Variants in GDPD4 observed in about 807,000 individuals in gnomAD.
GDPD4 encodes glycerophosphodiester phosphodiesterase 6.
A neutral mutation model predicts 67.8 loss-of-function variants in GDPD4; 60 were observed. That is an observed-to-expected ratio of 0.88 (90% CI 0.72 to 1.10). The LOEUF (loss-of-function observed/expected upper bound fraction) is 1.10. Among genes scored for constraint, GDPD4 ranks in the 50% least tolerant of loss-of-function variants. The pLI is 0.00. For missense variants in GDPD4, 623 were observed against 613.9 expected (o/e 1.01, Z -0.16); for synonymous variants, 212 against 210.9 (o/e 1.00, Z -0.04).
chr11:77,223,992 T>C (rs891085253), intron 16 of GDPD4, among the ~76,000 whole-genome samples: 3 of 152,202 alleles, frequency 2.0e-5, no homozygotes, highest in Non-Finnish European at 2.9e-5. Context: ...GCGTGGGACC[T>C]GCTGAACCAG....
chr11:77,294,907 G>A (rs1937898133), intron 1 of GDPD4, among the ~76,000 whole-genome samples: 1 of 150,292 alleles, frequency 6.7e-6, no homozygotes, highest in African/African-American at 2.5e-5. Context: ...TTTGACAAAT[G>A]GTTCTGGAAC....
intron 16 of GDPD4, 132 bp from the exon 17 acceptor site, chr11:77,217,446 C>A: frequency 3.8e-6 from 3 of 780,554 alleles, no homozygotes; most frequent in Non-Finnish European, 6.8e-6. Flanking sequence ...TCCAAGCTCT[C>A]CCCTCTACCT....
chr11:77,235,009 G>GTTTGTTTTTTTTTTTTT (rs1958524811), intron 13 of GDPD4, among the ~76,000 whole-genome samples: 1 of 52,254 alleles, frequency 1.9e-5, no homozygotes, highest in Non-Finnish European at 3.7e-5. Flanking sequence ...GTCAATATCT[G>GTTTGTTTTTTTTTTTTT]TTTTTTTTTT....
chr11:77,297,129 T>C (rs1197353902), intron 1 of GDPD4, among the ~76,000 whole-genome samples: 1 of 151,902 alleles, frequency 6.6e-6, no homozygotes, highest in Non-Finnish European at 1.5e-5. Context: ...ATGTATGGTG[T>C]CTGCAATTCA....
chr11:77,283,477 A>G (rs1959849701), intron 3 of GDPD4, among the ~76,000 whole-genome samples: 1 of 152,180 alleles, frequency 6.6e-6, no homozygotes, highest in Non-Finnish European at 1.5e-5. Flanking sequence ...AAACCTTATC[A>G]ACTATGGATC....
intron 11 of GDPD4, among the ~76,000 whole-genome samples, chr11:77,248,221 G>C (rs894183823): frequency 4.8e-4 from 44 of 92,494 alleles, no homozygotes; most frequent in Non-Finnish European, 7.9e-4. Context: ...TTTTTTTTTT[G>C]AGACGGAGTC....
intron 11 of GDPD4, among the ~76,000 whole-genome samples, chr11:77,250,293 T>C (rs1275703654): frequency 1.3e-5 from 2 of 152,206 alleles, no homozygotes; most frequent in African/African-American, 4.8e-5. Flanking sequence ...TTTATGTTCA[T>C]GTATATCTAA....
At chr11:77,279,006 T>C (rs1387271727) in intron 4 of GDPD4, among the ~76,000 whole-genome samples, 1 of 152,156 alleles carries the variant, frequency 6.6e-6, no homozygotes, top group African/African-American at 2.4e-5. Context: ...ATGACAATAT[T>C]GAGGGAACCA....
At chr11:77,291,140 T>C (rs1670457) in intron 1 of GDPD4, among the ~76,000 whole-genome samples, 113,517 of 152,140 alleles carry the variant, frequency 0.75, 43,457 homozygotes, top group African/African-American at 0.93. Context: ...AATGGACAAA[T>C]GGATAAAGAA....
At chr11:77,257,271 C>A (rs1479775395) in intron 11 of GDPD4, among the ~76,000 whole-genome samples, 1 of 152,120 alleles carries the variant, frequency 6.6e-6, no homozygotes, top group African/African-American at 2.4e-5. Flanking sequence ...GAACCTAGGT[C>A]ACATGAATTC....
At chr11:77,217,765 T>C (rs1038192929) in intron 16 of GDPD4, among the ~76,000 whole-genome samples, 2 of 151,964 alleles carry the variant, frequency 1.3e-5, no homozygotes, top group African/African-American at 4.8e-5. Flanking sequence ...GAAAAAAAAA[T>C]TAGATGGTAG....
chr11:77,226,444 G>GCA (rs1958340050), intron 16 of GDPD4, among the ~76,000 whole-genome samples: 1 of 152,090 alleles, frequency 6.6e-6, no homozygotes, highest in Admixed American at 6.6e-5. Context: ...ACTCTCCCAA[G>GCA]CACACACACA....
chr11:77,225,245 G>A (rs1241601661), intron 16 of GDPD4, among the ~76,000 whole-genome samples: 1 of 151,116 alleles, frequency 6.6e-6, no homozygotes, highest in Non-Finnish European at 1.5e-5. Context: ...AGGCTGCAGT[G>A]AGCTGAGATC....
intron 11 of GDPD4, among the ~76,000 whole-genome samples, chr11:77,247,880 T>C (rs112386023): frequency 0.016 from 2,458 of 151,868 alleles, 22 homozygotes; most frequent in African/African-American, 0.026. Flanking sequence ...GGAGAAACCC[T>C]GTCTCTACTA....
At chr11:77,220,987 G>C (rs888093169) in intron 16 of GDPD4, among the ~76,000 whole-genome samples, 1 of 152,066 alleles carries the variant, frequency 6.6e-6, no homozygotes, top group Non-Finnish European at 1.5e-5. Flanking sequence ...TTTAGTCGTG[G>C]GAGGGTGTCC....
Position 77,268,530 on chromosome 11 carries a change from CAGG to C in GDPD4, c.631_633del (p.Pro211del). 6.2e-7 allele frequency: 1 copy of C among 1,611,962 alleles called. No individual in the cohort carries two copies. Among genetic ancestry groups the C allele is most frequent in the East Asian group, 2.2e-5 (1 of 44,838 alleles). Reference sequence around the variant, plus strand: ...TTCTCAAAGGACATCATGGTATTCTCAGGCCCCAACTGTAGAAGAAAAGGACAT... The same window carrying C: ...TTCTCAAAGGACATCATGGTATTCTCCCCCAACTGTAGAAGAAAAGGACAT... On this transcript the variant is annotated inframe_deletion, in exon 10 of 17. Transcript: ENST00000315938.
At chr11:77,240,422 T>C (rs551690205) in intron 13 of GDPD4, among the ~76,000 whole-genome samples, 2 of 152,288 alleles carry the variant, frequency 1.3e-5, no homozygotes, top group African/African-American at 2.4e-5. Flanking sequence ...TGTTGAGAAA[T>C]TGGATAGCCA....
chr11:77,270,431 A>G (rs1959205236), intron 7 of GDPD4, among the ~76,000 whole-genome samples: 1 of 152,176 alleles, frequency 6.6e-6, no homozygotes, highest in Non-Finnish European at 1.5e-5. Context: ...GAAACTACTA[A>G]TATTTGCCGG....
intron 11 of GDPD4, among the ~76,000 whole-genome samples, chr11:77,256,572 AATCTT>A (rs1959007613): frequency 6.6e-6 from 1 of 152,132 alleles, no homozygotes; most frequent in Admixed American, 6.5e-5. Context: ...GTCTCCTCCT[AATCTT>A]ATGTTGAAAT....
Sources: gnomAD v4.1 joint callset for allele counts (sites outside exome capture counted in the v4.1 genomes callset) on GRCh38, gnomAD v4.1.1 for gene constraint, MANE v1.5 for transcripts, NCBI Gene and HGNC (gene_info 2026-07-23, HGNC 2026-07-21) for gene names.